The following COL4A4 variants were observed in gnomAD, a reference collection of about 807,000 sequenced individuals.
COL4A4 encodes collagen alpha-4(IV) chain.
A neutral mutation model predicts 192.9 loss-of-function variants in COL4A4; 105 were observed. That is an observed-to-expected ratio of 0.54 (90% CI 0.46 to 0.64). The LOEUF is 0.64. Ranked by LOEUF, COL4A4 falls within the 30% of genes least tolerant of loss-of-function variation. The probability of loss-of-function intolerance (pLI) is 0.00; values close to 1 mark genes in which losing one functional copy is unlikely to be tolerated. For missense variants in COL4A4, 1,967 were observed against 2,169.3 expected, an observed-to-expected ratio of 0.91 and a Z score of 1.85; for synonymous variants, 762 against 769.9, an observed-to-expected ratio of 0.99 and a Z score of 0.17.
At chr2:226,994,038 A>G in the COL4A4 span, among the ~76,000 whole-genome samples, 2 of 152,202 alleles carry the variant, frequency 1.3e-5, no homozygotes, top group South Asian at 4.1e-4. Context: ...GGGTTCTGCA[A>G]ATGGGTCCAA....
intron 19 of COL4A4, among the ~76,000 whole-genome samples, chr2:227,094,722 T>C (rs1478624171): frequency 6.6e-6 from 1 of 152,202 alleles, no homozygotes; most frequent in Non-Finnish European, 1.5e-5. Context: ...CCCCCACAAA[T>C]GATAACTATG....
chr2:227,060,101 GAAAAAAAAAAAA>G lies in COL4A4; in HGVS notation c.2164+23_2164+34del, dbSNP rs71422223. The G allele has an allele frequency of 2.3e-4, 116 of 505,760 alleles. 2 individuals carry two copies. In the African/African-American group the frequency reaches 4.1e-3, roughly 18 times the overall value. The allele number at this position is 505,760 out of a possible 1,614,324, so 31.3% of individuals were successfully genotyped here. A position where few individuals can be genotyped will look rare whatever the true frequency, so the allele number is the denominator to read the frequency against. On this transcript the variant is annotated intron_variant, in intron 27 of 47. Coordinates refer to ENST00000396625, the MANE Select transcript of COL4A4 (RefSeq NM_000092.5). ...GTTCCTGATAGATATTCCCAAAGCA[GAAAAAAAAAAAA>G]AAAAAAAAAAAACCTCACTGACCAG...
chr2:227,098,825 T>C (rs374152119), intron 18 of COL4A4, 27 bp from the exon 19 acceptor site: 29 of 1,545,416 alleles, frequency 1.9e-5, no homozygotes, highest in Non-Finnish European at 2.4e-5. Context: ...TACATGAGAA[T>C]AAACAAATGG....
intron 4 of COL4A4, 102 bp downstream of exon 4, chr2:227,140,059 G>C: frequency 1.0e-6 from 1 of 961,744 alleles, no homozygotes; most frequent in South Asian, 1.3e-5. Flanking sequence ...AAACATTATC[G>C]AGGACTAAAA....
chr2:227,057,643 T>TA, intron 28 of COL4A4, 43 bp from the exon 29 acceptor site: 1 of 1,595,250 alleles, frequency 6.3e-7, no homozygotes, highest in South Asian at 1.1e-5. Flanking sequence ...GACAAAAAAC[T>TA]ATACAGATGG....
At chr2:227,018,601 G>A (rs977441529) in intron 44 of COL4A4, among the ~76,000 whole-genome samples, 2 of 152,290 alleles carry the variant, frequency 1.3e-5, no homozygotes, top group East Asian at 3.9e-4. Context: ...AGGAGCCCCA[G>A]GGAAGCTGGG....
chr2:227,020,880 C>CTT lies in COL4A4; in HGVS notation c.4216+1166_4216+1167dup, dbSNP rs57119611. Among the ~76,000 whole-genome samples the CTT allele has an allele frequency of 6.3e-5, 8 of 127,596 alleles. 1 individual carries two copies. Among genetic ancestry groups the CTT allele is most frequent in the African/African-American group, 9.5e-5 (3 of 31,572 alleles). 83.7% of individuals were successfully genotyped at this position (127,596 alleles called of 152,430 possible). ...CAAACCATTCGGAGAACACTTTTTT[C>CTT]TTTTTTTTTTTTTTTTGAGATGGAG... On this transcript the variant is annotated intron_variant, in intron 44 of 47. Coordinates refer to ENST00000396625, the MANE Select transcript of COL4A4 (RefSeq NM_000092.5).
intron 2 of COL4A4, 165 bp downstream of exon 2, chr2:227,147,248 G>T (rs1256074909): frequency 1.3e-6 from 1 of 747,412 alleles, no homozygotes; most frequent in Non-Finnish European, 2.4e-6. Flanking sequence ...GAGAGGGTTG[G>T]TGTTCAATAA....
Position 227,062,561 on chromosome 2 carries a change from C to A in COL4A4, c.2025G>T (p.Arg675Ser). The A allele has an allele frequency of 6.2e-7, 1 of 1,612,866 alleles. No individual in the cohort carries two copies. Among genetic ancestry groups the A allele is most frequent in the Middle Eastern group, 1.7e-4 (1 of 6,060 alleles). ...TISCNVTYPG[R>S]HGPPGFDGPP... ...GTCCATCAAAACCTGGAGGGCCATG[C>A]CTCCCAGGGTAGGTTACGTTGCAAG... The change falls in exon 26 of 48, where the codon AGG (arginine) becomes AGT (serine). Residue 675 changes from arginine to serine, a missense_variant. Coordinates refer to ENST00000396625, the MANE Select transcript of COL4A4 (RefSeq NM_000092.5).
At chr2:227,032,766 T>C (rs1352501700) in intron 38 of COL4A4, among the ~76,000 whole-genome samples, 1 of 152,188 alleles carries the variant, frequency 6.6e-6, no homozygotes, top group African/African-American at 2.4e-5. Context: ...ACTAGAAAGA[T>C]TTCACCTCTC....
chr2:226,998,290 G>A (rs1212880529), downstream of COL4A4: 1 of 152,156 alleles, frequency 6.6e-6, no homozygotes, highest in Non-Finnish European at 1.5e-5. Flanking sequence ...TAAATAACTA[G>A]TTTGAGTAGA....
chr2:227,109,263 C>T lies in COL4A4; in HGVS notation c.618G>A (p.Pro206=), dbSNP rs1412497152. ...CTCCAGGATATCCTGTGGGACCTGCCGGTCCTCCTGCACCCCAAGATCCCT... is the reference window on the plus strand; with the variant it reads ...CTCCAGGATATCCTGTGGGACCTGCTGGTCCTCCTGCACCCCAAGATCCCT... ...GLPGSWGAGG[P]AGPTGYPGEP... is the part of the protein sequence containing the mutation. The change falls in exon 10 of 48, where the codon CCG becomes CCA. Residue 206 remains proline, a synonymous_variant. Coordinates refer to ENST00000396625, the MANE Select transcript of COL4A4 (RefSeq NM_000092.5). The T allele has an allele frequency of 1.1e-5, 17 of 1,613,966 alleles. No homozygotes were observed. Among genetic ancestry groups the T allele is most frequent in the South Asian group, 6.6e-5 (6 of 91,078 alleles).
In COL4A4 at chr2:227,119,861, T is replaced by A. The variant is rs769221006; in HGVS notation, c.372+34A>T. ...GATTTTGATGAGTACTTCTGCCTTT[T>A]TGAAAAAAGTGGAGAAAATTTAGGG... On this transcript the variant is annotated intron_variant, in intron 6 of 47. Coordinates refer to ENST00000396625, the MANE Select transcript of COL4A4 (RefSeq NM_000092.5). 1.9e-6 allele frequency: 3 copies of A among 1,543,882 alleles called. No individual in the cohort carries two copies. The African/African-American group carries it at 4.1e-5, about 21-fold the overall frequency.
intron 22 of COL4A4, among the ~76,000 whole-genome samples, chr2:227,083,435 G>GTATTTTCTTTTTATT (rs1377422620): frequency 1.3e-5 from 2 of 151,992 alleles, no homozygotes; most frequent in African/African-American, 4.8e-5. Flanking sequence ...CTACCTTGTC[G>GTATTTTCTTTTTATT]TATTTTCTTT....
chr2:227,103,267 A>G (rs2060627482), intron 13 of COL4A4, 70 bp from the exon 14 acceptor site: 1 of 1,202,630 alleles, frequency 8.3e-7, no homozygotes, highest in Admixed American at 1.9e-5. Context: ...TCTCCTTCAG[A>G]AATCATCTCT....
chr2:227,119,982 A>G (rs781276424), intron 5 of COL4A4, 43 bp from the exon 6 acceptor site: 79 of 1,399,438 alleles, frequency 5.6e-5, no homozygotes, highest in African/African-American at 1.4e-5. Flanking sequence ...AAATTATTAA[A>G]TTAATAAGCT....
intron 1 of COL4A4, among the ~76,000 whole-genome samples, chr2:227,149,004 A>C (rs1183912508): frequency 2.6e-5 from 4 of 151,446 alleles, no homozygotes; most frequent in Non-Finnish European, 5.9e-5. Flanking sequence ...CTAATTTTTT[A>C]TTTATTTATT....
At chr2:227,141,621 A>T (rs1350534661) in intron 3 of COL4A4, among the ~76,000 whole-genome samples, 1 of 152,200 alleles carries the variant, frequency 6.6e-6, no homozygotes, top group African/African-American at 2.4e-5. Context: ...TTAAAAAGAC[A>T]TCTTTGTAAA....
rs184404823 is a variant in COL4A4, at chr2:227,105,655, C to T, written c.736-1603G>A. ...TTTTGCCACAATCATAAATTCTCAC[C>T]ATTAATTAGAAAATAAATATTTTGT... On this transcript the variant is annotated intron_variant, in intron 12 of 47. Transcript: ENST00000396625. Among the ~76,000 whole-genome samples the T allele has an allele frequency of 8.2e-4, 125 of 152,132 alleles. 1 individual carries two copies. Among genetic ancestry groups the T allele is most frequent in the African/African-American group, 2.8e-3 (117 of 41,498 alleles).
Sources: allele counts gnomAD v4.1 joint callset (sites outside exome capture counted in the v4.1 genomes callset), GRCh38; gene constraint gnomAD v4.1.1; transcripts MANE v1.5; gene names NCBI Gene and HGNC (gene_info 2026-07-23, HGNC 2026-07-21).